Variants in FGFR1 observed in about 807,000 individuals in gnomAD.
The protein encoded by FGFR1 is fibroblast growth factor receptor 1.
In FGFR1, 18 loss-of-function variants were observed where a neutral mutation model predicts 93.7. The observed-to-expected ratio is 0.19, with a 90% CI of 0.13 to 0.28. The LOEUF is 0.28. FGFR1 is among the 10% of genes least tolerant of loss of function. FGFR1 has a pLI of 1.00. For missense variants in FGFR1, 731 were observed against 1,080.4 expected (o/e 0.68, Z 4.53); for synonymous variants, 448 against 429.3 (o/e 1.04, Z -0.54).
At chr8:38,423,151 C>A in intron 7 of FGFR1, 1 of 779,574 alleles carries the variant, frequency 1.3e-6, no homozygotes, top group Non-Finnish European at 2.4e-6. Context: ...AGCACCTCCG[C>A]ATCCGAGCTA....
Position 38,413,973 on chromosome 8 carries a change from G to A in FGFR1, c.2237C>T (p.Thr746Ile), listed in dbSNP as rs760108543. 6.2e-7 allele frequency: 1 copy of A among 1,614,118 alleles called. No homozygotes were observed. Among genetic ancestry groups the A allele is most frequent in the Non-Finnish European group, 8.5e-7 (1 of 1,179,994 alleles). Residue 746 changes from threonine (T) to isoleucine (I), a missense_variant, in exon 17 of 18, where the codon ACC becomes ATC. Thr to Ile is a moderately conservative substitution (Grantham distance 89). Around this residue, in one of 10 missense-constraint regions of FGFR1, gnomAD observed 35 missense variants for 78.0 expected, o/e 0.45. Coordinates refer to ENST00000447712, the MANE Select transcript of FGFR1 (RefSeq NM_023110.3). This position sits in a 1 kb window ranked among gnomAD's most constrained non-coding sequence, Gnocchi z 4.2. ...CWHAVPSQRP[T>I]FKQLVEDLDR... is the part of the protein sequence containing the mutation. ...CAGGTCTTCCACCAGCTGCTTGAAGGTGGGTCTCTGTGAGGGCACTGCATG... is the reference window on the plus strand; with the variant it reads ...CAGGTCTTCCACCAGCTGCTTGAAGATGGGTCTCTGTGAGGGCACTGCATG...
chr8:38,455,847 C>A (rs1832680869), intron 2 of FGFR1, among the ~76,000 whole-genome samples: 1 of 152,152 alleles, frequency 6.6e-6, no homozygotes, highest in African/African-American at 2.4e-5. Context: ...TGTAACTTCA[C>A]TGGGTGGTTT....
At chr8:38,458,631 G>A (rs913188821) in intron 1 of FGFR1, among the ~76,000 whole-genome samples, 2 of 152,096 alleles carry the variant, frequency 1.3e-5, no homozygotes, top group East Asian at 1.9e-4. Context: ...GAAGAATCAC[G>A]GAACAAGCTA....
In FGFR1 at chr8:38,412,547, A is replaced by T. The variant is rs1814714531; in HGVS notation, c.*1081T>A. On this transcript the variant is annotated 3_prime_UTR_variant, in exon 18 of 18. Transcript: ENST00000447712. ...AGACATCTTCTTTTTCTGACTTTCC[A>T]AAAGCAGCGGAGAGGCAGGAGGTGC... 1.7e-5 allele frequency: 4 copies of T among 233,254 alleles called. No homozygotes were observed. The East Asian group carries it at 2.4e-4, about 14-fold the overall frequency. 14.4% of individuals were successfully genotyped at this position (233,254 alleles called of 1,614,324 possible).
rs2150668265 is a variant in FGFR1, at chr8:38,418,208, G to A, written c.1430+20C>T. ...AAGCAAGGAATGCCTTCAAAAAGTT[G>A]GGAGTCAAAGTATTATTACCTGTCC... is the stretch of plus-strand genomic sequence containing the variant. On this transcript the variant is annotated intron_variant, in intron 10 of 17. Transcript: ENST00000447712. 6.2e-7 allele frequency: 1 copy of A among 1,614,122 alleles called. No homozygotes were observed. Among genetic ancestry groups the A allele is most frequent in the Non-Finnish European group, 8.5e-7 (1 of 1,180,018 alleles).
intron 3 of FGFR1, 56 bp from the exon 4 acceptor site, chr8:38,428,491 A>G (rs776172558): frequency 2.8e-6 from 4 of 1,422,804 alleles, no homozygotes; most frequent in Non-Finnish European, 3.9e-6. Flanking sequence ...AGATTTCACC[A>G]AGGCTAGTGC....
intron 6 of FGFR1, among the ~76,000 whole-genome samples, chr8:38,425,271 A>C (rs1162227680): frequency 2.0e-5 from 3 of 152,072 alleles, no homozygotes; most frequent in African/African-American, 7.2e-5. Flanking sequence ...AGCCTCAGTT[A>C]ACTCAGCTGG....
Position 38,429,131 on chromosome 8 carries a change from C to T in FGFR1, c.358+551G>A. ...ATAAATGGCATAAAGAAAATTTCAG[C>T]TCCACTTCCTCAACTCCTAGTTTTG... On this transcript the variant is annotated intron_variant, in intron 3 of 17. Coordinates refer to ENST00000447712, the MANE Select transcript of FGFR1 (RefSeq NM_023110.3). This position sits in a 1 kb window ranked among gnomAD's most constrained non-coding sequence, Gnocchi z 4.4. 8.3e-6 allele frequency: 3 copies of T among 362,250 alleles called. No homozygotes were observed. The highest frequency in any genetic ancestry group is 6.2e-5 in the South Asian group (3 of 48,656). 22.4% of individuals were successfully genotyped at this position (362,250 alleles called of 1,614,324 possible).
At position 38,429,534 on chromosome 8, in the gene FGFR1, C is replaced by A; in HGVS notation, c.358+148G>T. 1 of 944,448 alleles carries A rather than the reference C, an allele frequency of 1.1e-6. No homozygotes were observed. 58.5% of individuals were successfully genotyped at this position (944,448 alleles called of 1,614,324 possible). On this transcript the variant is annotated intron_variant, in intron 3 of 17. Coordinates refer to ENST00000447712, the MANE Select transcript of FGFR1 (RefSeq NM_023110.3). This position sits in a 1 kb window ranked among gnomAD's most constrained non-coding sequence, Gnocchi z 4.4. ...TCTGAGAGCCAAGCCACGCGGCAGG[C>A]AGGGAGCAATGTTAGTGGGCAGCAG...
chr8:38,457,279 C>G (rs1563626395), intron 2 of FGFR1, 77 bp downstream of exon 2: 1 of 1,520,864 alleles, frequency 6.6e-7, no homozygotes. Context: ...ACATCACCTG[C>G]AACCATATCA....
At chr8:38,445,584 G>A (rs939198216) in intron 2 of FGFR1, among the ~76,000 whole-genome samples, 1 of 152,172 alleles carries the variant, frequency 6.6e-6, no homozygotes, top group African/African-American at 2.4e-5. Context: ...TGTTGCCCAG[G>A]CTGGAGTGCA....
chr8:38,423,024 C>T, intron 7 of FGFR1: 4 of 779,706 alleles, frequency 5.1e-6, no homozygotes, highest in East Asian at 2.4e-5. Context: ...CTCCCCATTA[C>T]CTTTTGCCAC....
intron 2 of FGFR1, among the ~76,000 whole-genome samples, chr8:38,445,415 G>C (rs570852070): frequency 6.6e-6 from 1 of 152,346 alleles, no homozygotes; most frequent in South Asian, 2.1e-4. Context: ...TACCCCATGA[G>C]AATGGCTAGG....
rs2150827767 is a variant in FGFR1 at position 38,424,715 on chromosome 8, G to A, written c.746-16C>T. ...GGGGACCGCTCTGTGGAAGATGGGA[G>A]AGGAGGCACTTGTCATGGGGACCTT... On this transcript the variant is annotated splice_polypyrimidine_tract_variant and intron_variant, in intron 6 of 17. Coordinates refer to ENST00000447712, the MANE Select transcript of FGFR1 (RefSeq NM_023110.3). The surrounding 1 kb of genome is among the most constrained non-coding windows in gnomAD (Gnocchi z 4.3). 1.2e-6 allele frequency: 2 copies of A among 1,606,552 alleles called. No individual in the cohort carries two copies. Among genetic ancestry groups the A allele is most frequent in the Non-Finnish European group, 1.7e-6 (2 of 1,174,072 alleles).
intron 1 of FGFR1, among the ~76,000 whole-genome samples, chr8:38,463,641 C>T (rs1244777292): frequency 6.6e-6 from 1 of 152,088 alleles, no homozygotes; most frequent in Non-Finnish European, 1.5e-5. Context: ...TGAAAAGAAA[C>T]TGACAGAGAT....
Position 38,444,051 on chromosome 8 carries a change from C to CAAAA in FGFR1, c.91+13301_91+13304dup, listed in dbSNP as rs746296068. ...CTGGGCAACAAGAATGAAACTGTCT[C>CAAAA]AAAAAAAAAAAAAAAAAAAAAAAAA... is the stretch of plus-strand genomic sequence containing the variant. On this transcript the variant is annotated intron_variant, in intron 2 of 17. Transcript: ENST00000447712. Among the ~76,000 whole-genome samples the CAAAA allele has an allele frequency of 8.6e-4, 64 of 74,344 alleles. 2 individuals are homozygous for CAAAA. Among genetic ancestry groups the CAAAA allele is most frequent in the African/African-American group, 3.0e-3 (60 of 19,868 alleles). 48.8% of individuals were successfully genotyped at this position (74,344 alleles called of 152,430 possible).
intron 7 of FGFR1, chr8:38,423,227 C>T: frequency 1.3e-6 from 1 of 768,690 alleles, no homozygotes; most frequent in Non-Finnish European, 2.4e-6. Context: ...GAGATGTGGC[C>T]ACGCACGTTG....
intron 2 of FGFR1, among the ~76,000 whole-genome samples, chr8:38,437,038 G>A (rs545922162): frequency 5.3e-4 from 81 of 152,170 alleles, no homozygotes; most frequent in Non-Finnish European, 8.8e-4. Flanking sequence ...GCGCCACCAC[G>A]CCCGGCTAAT....
intron 8 of FGFR1, among the ~76,000 whole-genome samples, chr8:38,420,673 G>A (rs750319090): frequency 6.6e-6 from 1 of 152,028 alleles, no homozygotes; most frequent in African/African-American, 2.4e-5. Flanking sequence ...TTTGCCCCAC[G>A]GGTGTGGACG....
Sources: allele counts gnomAD v4.1 joint callset (sites outside exome capture counted in the v4.1 genomes callset), GRCh38; gene constraint gnomAD v4.1.1; regional missense constraint gnomAD v4.1.1; non-coding constraint Gnocchi (gnomAD v3.1); transcripts MANE v1.5; gene names NCBI Gene and HGNC (gene_info 2026-07-23, HGNC 2026-07-21).